The following RNPC3 variants were observed in gnomAD, a reference collection of about 807,000 sequenced individuals.
The protein encoded by RNPC3 is RNA binding region (RNP1, RRM) containing 3.
In RNPC3, 48 loss-of-function variants were observed where a neutral mutation model predicts 67.5. The ratio of observed to expected loss-of-function variants is 0.71; its 90% CI spans 0.56 to 0.90. The LOEUF (loss-of-function observed/expected upper bound fraction) is 0.90. Among genes scored for constraint, RNPC3 ranks in the 40% least tolerant of loss-of-function variants. The probability of loss-of-function intolerance (pLI) is 0.00; values close to 1 mark genes in which losing one functional copy is unlikely to be tolerated. For synonymous variants in RNPC3, 239 were observed against 210.3 expected (o/e 1.14, Z -1.18); for missense variants, 637 against 626.1 (o/e 1.02, Z -0.19).
intron 12 of RNPC3, among the ~76,000 whole-genome samples, 160 bp downstream of exon 12, chr1:103,547,195 G>A (rs1240350363): frequency 1.3e-5 from 2 of 152,098 alleles, no homozygotes; most frequent in Non-Finnish European, 2.9e-5. Context: ...TCTAGAATAG[G>A]AGTTGGCAAA....
Position 103,544,902 on chromosome 1 carries a change from A to G in RNPC3, c.1046-39A>G, listed in dbSNP as rs774937473. On this transcript the variant is annotated intron_variant, in intron 9 of 14. Coordinates refer to ENST00000423855, the MANE Select transcript of RNPC3 (RefSeq NM_017619.4). The stretch of plus-strand genomic sequence containing the variant: ...GGGACCCAAAAACTATTTTTAAAGG[A>G]GAGATTCTTAATGGTTAATGTTAAT... 1.1e-5 allele frequency: 15 copies of G among 1,346,486 alleles called. No homozygotes were observed. The African/African-American group carries it at 1.8e-4, about 16-fold the overall frequency. The allele number at this position is 1,346,486 out of a possible 1,614,324, so 83.4% of individuals were successfully genotyped here.
At chr1:103,547,062 A>C in intron 12 of RNPC3, 27 bp downstream of exon 12, 4 of 1,333,830 alleles carry the variant, frequency 3.0e-6, no homozygotes, top group Non-Finnish European at 4.0e-6. Flanking sequence ...TACAATCTTC[A>C]ATTATATTTT....
At position 103,543,500 on chromosome 1, in the gene RNPC3, T is replaced by C. The variant is rs1009279147; in HGVS notation, c.1045+53T>C. 26 of 1,251,348 alleles carry C rather than the reference T, an allele frequency of 2.1e-5. No individual in the cohort carries two copies. In the Middle Eastern group the frequency reaches 7.7e-4, roughly 37 times the overall value. The allele number at this position is 1,251,348 out of a possible 1,614,324, so 77.5% of individuals were successfully genotyped here. ...CTGAAATCAACTTATTGTGTTAGAA[T>C]TAAGTTTTACATATAATGTTTCATA... On this transcript the variant is annotated intron_variant, in intron 9 of 14. Coordinates refer to ENST00000423855, the MANE Select transcript of RNPC3 (RefSeq NM_017619.4).
chr1:103,541,115 GTC>G (rs1293353016), intron 7 of RNPC3, among the ~76,000 whole-genome samples: 1 of 152,074 alleles, frequency 6.6e-6, no homozygotes, highest in African/African-American at 2.4e-5. Context: ...ATGTAATTAA[GTC>G]TATTTTTAAT....
At position 103,551,715 on chromosome 1, in the gene RNPC3, T is replaced by C. The variant is rs147222972; in HGVS notation, c.1495-6T>C. ...CATGAAGGAAACCTTAATTTTAAAT[T>C]ATTAGCAGTTTGCTCGATCTGCTAG... On this transcript the variant is annotated splice_polypyrimidine_tract_variant and splice_region_variant and intron_variant, in intron 13 of 14. Transcript: ENST00000423855. 1.4e-4 allele frequency: 208 copies of C among 1,507,388 alleles called. 1 individual carries two copies. In the African/African-American group the frequency reaches 2.5e-3, roughly 18 times the overall value. The allele number at this position is 1,507,388 out of a possible 1,614,324, so 93.4% of individuals were successfully genotyped here.
intron 12 of RNPC3, among the ~76,000 whole-genome samples, chr1:103,550,604 G>A (rs1651364695): frequency 7.1e-6 from 1 of 140,394 alleles, no homozygotes. Context: ...TCATGCCACT[G>A]CACTCCAGCC....
At chr1:103,533,928 A>G (rs1019941129) in intron 3 of RNPC3, 71 bp downstream of exon 3, 3 of 815,304 alleles carry the variant, frequency 3.7e-6, no homozygotes, top group Non-Finnish European at 6.0e-6. Flanking sequence ...TCAGTTATAC[A>G]GTTATTGTAT....
At chr1:103,549,885 A>G (rs1278831521) in intron 12 of RNPC3, among the ~76,000 whole-genome samples, 5 of 152,104 alleles carry the variant, frequency 3.3e-5, no homozygotes, top group African/African-American at 4.8e-5. Flanking sequence ...ACTCTAGGCC[A>G]GGTGTGGTGG....
intron 7 of RNPC3, 78 bp downstream of exon 7, chr1:103,537,562 T>G: frequency 8.2e-7 from 1 of 1,217,954 alleles, no homozygotes; most frequent in Non-Finnish European, 1.1e-6. Context: ...CCCTAGATTT[T>G]GTGTGTATAA....
In RNPC3 at chr1:103,548,617, C is replaced by T. The variant is rs1044115096; in HGVS notation, c.1361+1582C>T. Among the ~76,000 whole-genome samples the T allele has an allele frequency of 2.6e-5, 4 of 152,158 alleles. No homozygotes were observed. In the East Asian group the frequency reaches 7.7e-4, roughly 29 times the overall value. ...TTTTGGTCAAAGCCATTCAACAAGTCTAGCGAGTTCCAAACTTTCCCACAT... is the reference window on the plus strand; with the variant it reads ...TTTTGGTCAAAGCCATTCAACAAGTTTAGCGAGTTCCAAACTTTCCCACAT... On this transcript the variant is annotated intron_variant, in intron 12 of 14. Coordinates refer to ENST00000423855, the MANE Select transcript of RNPC3 (RefSeq NM_017619.4).
At chr1:103,543,824 A>G (rs1651180927) in intron 9 of RNPC3, among the ~76,000 whole-genome samples, 2 of 151,854 alleles carry the variant, frequency 1.3e-5, no homozygotes, top group South Asian at 2.1e-4. Context: ...CAATGTGACT[A>G]TTTTGTGAGT....
chr1:103,536,450 A>C (rs193266110), intron 6 of RNPC3, among the ~76,000 whole-genome samples: 2 of 152,316 alleles, frequency 1.3e-5, no homozygotes, highest in Admixed American at 1.3e-4. Context: ...ACATTGTGCC[A>C]TCCTATAAGG....
rs1161904149 is a variant in RNPC3 at position 103,551,833 on chromosome 1, C to A, written c.*12+41C>A. ...ACATAATAAAAAGACAAGACTAATT[C>A]TTGAGATAAAATTAAGAATAAAAGT... On this transcript the variant is annotated intron_variant, in intron 14 of 14. Coordinates refer to ENST00000423855, the MANE Select transcript of RNPC3 (RefSeq NM_017619.4). The A allele has an allele frequency of 5.9e-6, 6 of 1,014,592 alleles. No homozygotes were observed. The Admixed American group carries it at 1.3e-4, about 22-fold the overall frequency. 62.8% of individuals were successfully genotyped at this position (1,014,592 alleles called of 1,614,324 possible). A position where few individuals can be genotyped will look rare whatever the true frequency, so the allele number is the denominator to read the frequency against.
intron 10 of RNPC3, 81 bp downstream of exon 10, chr1:103,545,183 C>T (rs2101050446): frequency 1.8e-6 from 2 of 1,140,456 alleles, no homozygotes; most frequent in African/African-American, 1.6e-5. Flanking sequence ...TCTGTCATGC[C>T]ATTTACCTTA....
chr1:103,532,382 A>G (rs1009598977), intron 2 of RNPC3, among the ~76,000 whole-genome samples: 3 of 152,144 alleles, frequency 2.0e-5, no homozygotes, highest in African/African-American at 7.2e-5. Context: ...GGTGGAGCAC[A>G]TTTGGGGCTG....
chr1:103,538,973 G>A (rs1651058031), intron 7 of RNPC3, among the ~76,000 whole-genome samples: 1 of 152,130 alleles, frequency 6.6e-6, no homozygotes, highest in Non-Finnish European at 1.5e-5. Context: ...AAATATTTTT[G>A]ACTTTGAGAG....
At position 103,529,707 on chromosome 1, in the gene RNPC3, G is replaced by T. The variant is rs191837294; in HGVS notation, c.240+1965G>T. Among the ~76,000 whole-genome samples, 799 of 152,278 alleles carry T rather than the reference G, an allele frequency of 5.2e-3. 5 individuals are homozygous for T. Among genetic ancestry groups the T allele is most frequent in the Middle Eastern group, 0.024 (7 of 294 alleles). On this transcript the variant is annotated intron_variant, in intron 2 of 14. Coordinates refer to ENST00000423855, the MANE Select transcript of RNPC3 (RefSeq NM_017619.4). Reference sequence around the variant, plus strand: ...TAAAGAGGTCTAAAGTTCATTTAGGGTCTTGAAAATTATTGAAACATTTTA... The same window carrying T: ...TAAAGAGGTCTAAAGTTCATTTAGGTTCTTGAAAATTATTGAAACATTTTA...
At chr1:103,542,596 T>A (rs1651147811) in intron 8 of RNPC3, among the ~76,000 whole-genome samples, 1 of 151,968 alleles carries the variant, frequency 6.6e-6, no homozygotes, top group South Asian at 2.1e-4. Flanking sequence ...TAGATATACC[T>A]TACCTTTCCA....
intron 12 of RNPC3, among the ~76,000 whole-genome samples, chr1:103,548,738 G>A (rs1651309536): frequency 1.3e-5 from 2 of 152,112 alleles, no homozygotes; most frequent in South Asian, 4.1e-4. Flanking sequence ...CTTTTCAGCA[G>A]TATCCCACTT....
Sources: gnomAD v4.1 joint callset for allele counts (sites outside exome capture counted in the v4.1 genomes callset) on GRCh38, gnomAD v4.1.1 for gene constraint, MANE v1.5 for transcripts, NCBI Gene and HGNC (gene_info 2026-07-23, HGNC 2026-07-21) for gene names.